The following ZNF280B variants were observed in gnomAD, a reference collection of about 807,000 sequenced individuals.
ZNF280B encodes the protein zinc finger protein 280B, also known as suppressor of hairy wing homolog 2.
Under a neutral mutation model 38.0 loss-of-function variants are expected in ZNF280B, and 16 were observed. The ratio of observed to expected loss-of-function variants is 0.42; its 90% CI spans 0.28 to 0.64. The LOEUF (loss-of-function observed/expected upper bound fraction) is 0.64. Among genes scored for constraint, ZNF280B ranks in the 30% least tolerant of loss-of-function variants. The pLI is 0.21. For missense variants in ZNF280B, 581 were observed against 639.6 expected (o/e 0.91, Z 0.99); for synonymous variants, 253 against 230.6 (o/e 1.10, Z -0.88).
In ZNF280B at chr22:22,488,925, T is replaced by A; in HGVS notation, c.474A>T (p.Thr158=). 1.2e-6 allele frequency: 2 copies of A among 1,613,850 alleles called. No homozygotes were observed. Among genetic ancestry groups the A allele is most frequent in the South Asian group, 2.2e-5 (2 of 91,074 alleles). ...FTDSLHHPVS[T]ALSVGGINES... is the part of the protein sequence containing the mutation. ...CATTTATACCTCCTACTGAAAGTGCTGTACTTACTGGATGATGCAATGAAT... is the reference window on the plus strand; with the variant it reads ...CATTTATACCTCCTACTGAAAGTGCAGTACTTACTGGATGATGCAATGAAT... Residue 158 remains threonine, a synonymous_variant, in exon 4 of 4, where the codon ACA becomes ACT. Coordinates refer to ENST00000626650, the MANE Select transcript of ZNF280B (RefSeq NM_080764.4).
intron 2 of ZNF280B, among the ~76,000 whole-genome samples, chr22:22,502,896 C>T (rs1421978204): frequency 1.3e-5 from 2 of 151,950 alleles, no homozygotes; most frequent in Non-Finnish European, 2.9e-5. Flanking sequence ...TTATCCTGGA[C>T]TATACAGGTG....
At chr22:22,493,464 G>A (rs1037022679) in intron 3 of ZNF280B, among the ~76,000 whole-genome samples, 3 of 152,014 alleles carry the variant, frequency 2.0e-5, no homozygotes, top group Admixed American at 6.6e-5. Flanking sequence ...TATTTCTGAT[G>A]ATATTGCTGT....
chr22:22,497,098 G>A (rs936371680), intron 2 of ZNF280B, among the ~76,000 whole-genome samples: 17 of 150,510 alleles, frequency 1.1e-4, no homozygotes, highest in African/African-American at 4.1e-4. Context: ...AATTACAGGC[G>A]TGAGGCACCG....
Position 22,486,360 on chromosome 22 carries a change from G to A in ZNF280B, c.*1407C>T, listed in dbSNP as rs1482800727. On this transcript the variant is annotated 3_prime_UTR_variant, in exon 4 of 4. Transcript: ENST00000626650. ...GGACAGTCCTCATTCCAGCTTAACA[G>A]TGGGAAAACTAAATTTAGCCCAGTC... The A allele has an allele frequency of 1.4e-5, 2 of 147,378 alleles. No homozygotes were observed. The highest frequency in any genetic ancestry group is 2.7e-5 in the African/African-American group (1 of 36,592). The allele number at this position is 147,378 out of a possible 1,614,324, so 9.1% of individuals were successfully genotyped here. A position where few individuals can be genotyped will look rare whatever the true frequency, so the allele number is the denominator to read the frequency against.
intron 2 of ZNF280B, among the ~76,000 whole-genome samples, chr22:22,498,737 C>T (rs1292766699): frequency 1.3e-5 from 2 of 149,540 alleles, no homozygotes; most frequent in African/African-American, 4.9e-5. Flanking sequence ...ATTACTCTTA[C>T]ACCAAAATCA....
Position 22,488,876 on chromosome 22 carries a change from G to A in ZNF280B, c.523C>T (p.Leu175Phe). ...INESPRVSKQ[L>F]STFEVNSINP... ...ATGCTGTTTACTTCGAAAGTGGAAA[G>A]TTGCTTTGATACACGAGGACTTTCA... Residue 175 changes from leucine (L) to phenylalanine (F), a missense_variant, in exon 4 of 4, where the codon CTT (leucine) becomes TTT (phenylalanine). Transcript: ENST00000626650. 1 of 1,613,730 alleles carries A rather than the reference G, an allele frequency of 6.2e-7. No homozygotes were observed. Among genetic ancestry groups the A allele is most frequent in the Admixed American group, 1.7e-5 (1 of 59,996 alleles).
intron 2 of ZNF280B, among the ~76,000 whole-genome samples, chr22:22,495,054 C>G (rs747127075): frequency 1.3e-5 from 2 of 151,884 alleles, no homozygotes; most frequent in African/African-American, 2.4e-5. Flanking sequence ...TAACCACACA[C>G]GAGTTTTTAA....
At chr22:22,503,693 T>C (rs1035240820) in intron 2 of ZNF280B, among the ~76,000 whole-genome samples, 5 of 151,972 alleles carry the variant, frequency 3.3e-5, no homozygotes, top group Admixed American at 6.6e-5. Context: ...TTACCAAATA[T>C]GCTGGTATGA....
chr22:22,492,138 T>C (rs1460022807), intron 3 of ZNF280B, among the ~76,000 whole-genome samples: 4 of 151,982 alleles, frequency 2.6e-5, no homozygotes, highest in South Asian at 2.1e-4. Context: ...TAAGTAAGCA[T>C]TGTCAACTAT....
At position 22,488,965 on chromosome 22, in the gene ZNF280B, A is replaced by C; in HGVS notation, c.434T>G (p.Leu145Trp). Residue 145 changes from leucine (L) to tryptophan (W), a missense_variant, in exon 4 of 4, where the codon TTG becomes TGG. Physicochemically the swap from Leu to Trp is moderately conservative, Grantham distance 61. Transcript: ENST00000626650. ...ATGCAATGAATCTGTGAATGTAATC[A>C]AAGGAGAAGGTAATTCTGAAGAGTT... Reference protein sequence around the residue: ...PNNSSELPSPLITFTDSLHHP... With the variant: ...PNNSSELPSPWITFTDSLHHP... 6.2e-7 allele frequency: 1 copy of C among 1,613,898 alleles called. No homozygotes were observed. Among genetic ancestry groups the C allele is most frequent in the South Asian group, 1.1e-5 (1 of 91,068 alleles).
At chr22:22,505,001 C>A (rs2061905540) in intron 2 of ZNF280B, among the ~76,000 whole-genome samples, 1 of 151,818 alleles carries the variant, frequency 6.6e-6, no homozygotes, top group Admixed American at 6.6e-5. Flanking sequence ...ACAAAAGTAA[C>A]ATGGTTATAT....
rs1208535924 is a variant in ZNF280B at position 22,487,678 on chromosome 22, T to C, written c.*89A>G. ...CCACTAGTTTCACTATTTTTGGTGC[T>C]ACTGAATAATGTATGGTTTGTATTT... On this transcript the variant is annotated 3_prime_UTR_variant, in exon 4 of 4. Transcript: ENST00000626650. The C allele has an allele frequency of 6.4e-6, 7 of 1,088,568 alleles. No homozygotes were observed. The highest frequency in any genetic ancestry group is 3.2e-5 in the African/African-American group (2 of 63,436). 67.4% of individuals were successfully genotyped at this position (1,088,568 alleles called of 1,614,324 possible). A position where few individuals can be genotyped will look rare whatever the true frequency, so the allele number is the denominator to read the frequency against.
intron 2 of ZNF280B, among the ~76,000 whole-genome samples, chr22:22,496,147 C>T (rs1298544453): frequency 1.5e-5 from 2 of 135,898 alleles, no homozygotes; most frequent in Non-Finnish European, 3.1e-5. Context: ...CTCGCTGTGT[C>T]ACCCAGGATG....
rs1186518597 is a variant in ZNF280B, at chr22:22,487,848, T to C, written c.1551A>G (p.Val517=). 3 of 1,613,866 alleles carry C rather than the reference T, an allele frequency of 1.9e-6. No individual in the cohort carries two copies. The highest frequency in any genetic ancestry group is 1.7e-5 in the Admixed American group (1 of 59,990). The part of the protein sequence containing the change: ...LEPLQPGSVD[V]ASITVSTSDS... ...CAGATGTGCTCACAGTTATGGATGC[T>C]ACATCCACTGATCCTGGCTGAAGAG... The change falls in exon 4 of 4, where the codon GTA becomes GTG. Residue 517 remains valine (V), a synonymous_variant. Coordinates refer to ENST00000626650, the MANE Select transcript of ZNF280B (RefSeq NM_080764.4).
At chr22:22,501,241 C>T (rs1394393200) in intron 2 of ZNF280B, among the ~76,000 whole-genome samples, 1 of 151,718 alleles carries the variant, frequency 6.6e-6, no homozygotes, top group Non-Finnish European at 1.5e-5. Context: ...AAATTATATG[C>T]GTTTTTACCA....
chr22:22,491,858 C>T (rs546955766), intron 3 of ZNF280B, among the ~76,000 whole-genome samples: 4 of 152,088 alleles, frequency 2.6e-5, no homozygotes, highest in South Asian at 4.2e-4. Flanking sequence ...AAAAACTGGT[C>T]TAATGCTAGC....
At chr22:22,502,210 C>T (rs149786587) in intron 2 of ZNF280B, among the ~76,000 whole-genome samples, 1 of 152,086 alleles carries the variant, frequency 6.6e-6, no homozygotes, top group East Asian at 2.0e-4. Context: ...TGAAATGCTG[C>T]TCAATATAGT....
At chr22:22,501,019 CAAAAAAA>C (rs56907724) in intron 2 of ZNF280B, among the ~76,000 whole-genome samples, 2 of 60,266 alleles carry the variant, frequency 3.3e-5, no homozygotes, top group Non-Finnish European at 6.7e-5. Context: ...GACTCCGTCT[CAAAAAAA>C]AAAAAAAAAA....
At chr22:22,498,120 T>C (rs745423706) in intron 2 of ZNF280B, among the ~76,000 whole-genome samples, 1 of 151,998 alleles carries the variant, frequency 6.6e-6, no homozygotes, top group Non-Finnish European at 1.5e-5. Flanking sequence ...ATATATTGTA[T>C]GATTTCATTT....
Sources: gnomAD v4.1 joint callset for allele counts (sites outside exome capture counted in the v4.1 genomes callset) on GRCh38, gnomAD v4.1.1 for gene constraint, MANE v1.5 for transcripts, NCBI Gene and HGNC (gene_info 2026-07-23, HGNC 2026-07-21) for gene names.